The following CYB5A variants were observed in gnomAD, a reference collection of about 807,000 sequenced individuals.
CYB5A encodes cytochrome b5.
CYB5A carries 10 observed loss-of-function variants against 16.2 expected under a neutral mutation model. The observed-to-expected ratio is 0.62, with a 90% CI of 0.38 to 1.04. CYB5A has a LOEUF of 1.04. Ranked by LOEUF, CYB5A falls within the 50% of genes least tolerant of loss-of-function variation. The pLI is 0.01. For missense variants in CYB5A, 161 were observed against 165.9 expected (o/e 0.97, Z 0.16); for synonymous variants, 62 against 57.0 (o/e 1.09, Z -0.40).
rs570294241 is a variant in CYB5A, at chr18:74,288,787, G to A, written c.129+2960C>T. On this transcript the variant is annotated intron_variant, in intron 1 of 4. Coordinates refer to ENST00000340533, the MANE Select transcript of CYB5A (RefSeq NM_148923.4). ...AGAGAGGCTCCCAGAGGCTTTGCCG[G>A]GGGCTGGGAAGCCAATGACCAGGAC... 1.5e-3 allele frequency among the ~76,000 whole-genome samples: 222 copies of A among 152,288 alleles called. 2 individuals are homozygous for A. Among genetic ancestry groups the A allele is most frequent in the Non-Finnish European group, 2.6e-3 (178 of 68,030 alleles).
chr18:74,256,988 T>C, intron 3 of CYB5A: 1 of 693,800 alleles, frequency 1.4e-6, no homozygotes, highest in Non-Finnish European at 2.5e-6. Context: ...CCAAATTGTG[T>C]ATATATGAAT....
At chr18:74,288,451 C>T (rs904088177) in intron 1 of CYB5A, among the ~76,000 whole-genome samples, 1 of 152,146 alleles carries the variant, frequency 6.6e-6, no homozygotes, top group Admixed American at 6.5e-5. Context: ...TAAATCTTTC[C>T]TATTTAGGTA....
chr18:74,268,247 C>T (rs1599254973), intron 1 of CYB5A, among the ~76,000 whole-genome samples: 1 of 152,208 alleles, frequency 6.6e-6, no homozygotes, highest in East Asian at 1.9e-4. Flanking sequence ...AAGAATATGA[C>T]ACAGGAATGT....
At chr18:74,265,874 C>G (rs1180075260) in intron 1 of CYB5A, among the ~76,000 whole-genome samples, 1 of 152,218 alleles carries the variant, frequency 6.6e-6, no homozygotes, top group Non-Finnish European at 1.5e-5. Flanking sequence ...CATAAGGGAT[C>G]TGCCCCCATG....
chr18:74,253,752 A>G, intron 4 of CYB5A, 87 bp from the exon 5 acceptor site: 2 of 915,886 alleles, frequency 2.2e-6, no homozygotes, highest in East Asian at 2.5e-5. Context: ...GAAAATTACC[A>G]GGGCATGTTT....
rs1308822932 is a variant in CYB5A at position 74,253,540 on chromosome 18, G to A, written c.*44C>T. The A allele has an allele frequency of 7.7e-6, 10 of 1,297,436 alleles. No homozygotes were observed. The highest frequency in any genetic ancestry group is 6.0e-5 in the South Asian group (5 of 83,666). 80.4% of individuals were successfully genotyped at this position (1,297,436 alleles called of 1,614,324 possible). A position where few individuals can be genotyped will look rare whatever the true frequency, so the allele number is the denominator to read the frequency against. On this transcript the variant is annotated 3_prime_UTR_variant, in exon 5 of 5. Coordinates refer to ENST00000340533, the MANE Select transcript of CYB5A (RefSeq NM_148923.4). Reference sequence around the variant, plus strand: ...AGTTAGCAATGGCTTCTTTTCTCCCGTGTCCAAAGCAGGCTCTTCCTGCGC... The same window carrying A: ...AGTTAGCAATGGCTTCTTTTCTCCCATGTCCAAAGCAGGCTCTTCCTGCGC...
At chr18:74,284,778 G>C (rs1239158332) in intron 1 of CYB5A, among the ~76,000 whole-genome samples, 9 of 152,118 alleles carry the variant, frequency 5.9e-5, no homozygotes, top group African/African-American at 2.2e-4. Flanking sequence ...AGCCTCCCCA[G>C]CGTCAGTGCT....
chr18:74,278,857 C>T (rs1982980932), intron 1 of CYB5A, among the ~76,000 whole-genome samples: 1 of 152,238 alleles, frequency 6.6e-6, no homozygotes, highest in African/African-American at 2.4e-5. Context: ...AAATTTTGGT[C>T]ACTATGCCCT....
chr18:74,290,847 C>T (rs1270708938), intron 1 of CYB5A: 1 of 152,260 alleles, frequency 6.6e-6, no homozygotes, highest in Non-Finnish European at 1.5e-5. Context: ...AGAATCTTAT[C>T]AAAGGAATGT....
chr18:74,260,525 C>T (rs1982156748), intron 3 of CYB5A: 1 of 331,134 alleles, frequency 3.0e-6, no homozygotes. Flanking sequence ...ATGAAGAAGA[C>T]ATGAGACACA....
At chr18:74,255,493 A>G (rs959164008) in intron 4 of CYB5A, among the ~76,000 whole-genome samples, 1 of 152,128 alleles carries the variant, frequency 6.6e-6, no homozygotes, top group African/African-American at 2.4e-5. Flanking sequence ...AGGAAATGCA[A>G]TTGTTCTGTT....
chr18:74,273,161 A>G (rs1040536396), intron 1 of CYB5A, among the ~76,000 whole-genome samples: 1 of 152,210 alleles, frequency 6.6e-6, no homozygotes, highest in African/African-American at 2.4e-5. Flanking sequence ...AATGGTATCA[A>G]TATCTTCAAG....
At chr18:74,285,542 A>G (rs1365072055) in intron 1 of CYB5A, among the ~76,000 whole-genome samples, 3 of 152,214 alleles carry the variant, frequency 2.0e-5, no homozygotes, top group Non-Finnish European at 2.9e-5. Flanking sequence ...AGAAATGCAC[A>G]CACTGGTGTG....
chr18:74,263,552 T>C, intron 1 of CYB5A, 75 bp from the exon 2 acceptor site: 2 of 1,332,730 alleles, frequency 1.5e-6, no homozygotes, highest in South Asian at 2.3e-5. Context: ...AGAATTTATT[T>C]AACCAAACAG....
chr18:74,291,697 C>CA, intron 1 of CYB5A, 50 bp downstream of exon 1: 1 of 1,612,384 alleles, frequency 6.2e-7, no homozygotes, highest in Non-Finnish European at 8.5e-7. Context: ...AGTGAACCCC[C>CA]AAACCCGGCC....
At chr18:74,284,064 C>T (rs1983222595) in intron 1 of CYB5A, among the ~76,000 whole-genome samples, 1 of 152,026 alleles carries the variant, frequency 6.6e-6, no homozygotes, top group Admixed American at 6.5e-5. Context: ...GAAACCTCAT[C>T]TCTAATGAAA....
At chr18:74,256,376 C>G (rs566086468) in intron 3 of CYB5A, 1 of 179,072 alleles carries the variant, frequency 5.6e-6, no homozygotes, top group African/African-American at 2.4e-5. Flanking sequence ...CTGTGCCCGG[C>G]GTCACACTTG....
chr18:74,267,986 C>A (rs529486235), intron 1 of CYB5A, among the ~76,000 whole-genome samples: 5 of 152,184 alleles, frequency 3.3e-5, no homozygotes, highest in Non-Finnish European at 7.3e-5. Context: ...GCTGTTTCCA[C>A]GTGAGCTGAC....
At chr18:74,291,650 G>T (rs1983547640) in intron 1 of CYB5A, 97 bp downstream of exon 1, 1 of 1,563,688 alleles carries the variant, frequency 6.4e-7, no homozygotes, top group Non-Finnish European at 8.7e-7. Context: ...CTAGGCGTAG[G>T]TATGCGGACT....
Sources: gnomAD v4.1 joint callset for allele counts (sites outside exome capture counted in the v4.1 genomes callset) on GRCh38, gnomAD v4.1.1 for gene constraint, MANE v1.5 for transcripts, NCBI Gene and HGNC (gene_info 2026-07-23, HGNC 2026-07-21) for gene names.